The following STK39 variants were observed in gnomAD, a reference collection of about 807,000 sequenced individuals.
The protein encoded by STK39 is serine/threonine kinase 39.
A neutral mutation model predicts 77.8 loss-of-function variants in STK39; 20 were observed. The ratio of observed to expected loss-of-function variants is 0.26; its 90% CI spans 0.18 to 0.37. The LOEUF (loss-of-function observed/expected upper bound fraction) is 0.37. Among genes scored for constraint, STK39 ranks in the 10% least tolerant of loss-of-function variants. The pLI, the probability that STK39 is intolerant of heterozygous loss-of-function variation, is 1.00. For missense variants in STK39, 479 were observed against 656.5 expected, an observed-to-expected ratio of 0.73 and a Z score of 2.95; for synonymous variants, 246 against 234.1, an observed-to-expected ratio of 1.05 and a Z score of -0.47.
chr2:168,206,310 T>A (rs1208407581), intron 1 of STK39, among the ~76,000 whole-genome samples: 1 of 151,858 alleles, frequency 6.6e-6, no homozygotes, highest in African/African-American at 2.4e-5. Context: ...TTCTTTTTTT[T>A]TTTTTTTGAG....
chr2:168,247,108 C>T, intron 1 of STK39, 120 bp downstream of exon 1: 1 of 482,720 alleles, frequency 2.1e-6, no homozygotes, highest in South Asian at 8.4e-5. Context: ...GCCAGTAGGC[C>T]CCGAAGCCGG....
intron 14 of STK39, among the ~76,000 whole-genome samples, chr2:168,061,087 A>T (rs1158448843): frequency 6.6e-6 from 1 of 152,208 alleles, no homozygotes; most frequent in African/African-American, 2.4e-5. Context: ...TTTTATCTAG[A>T]GTTGCAGTTC....
At chr2:168,053,607 C>A (rs1425718279) in intron 14 of STK39, among the ~76,000 whole-genome samples, 2 of 152,148 alleles carry the variant, frequency 1.3e-5, no homozygotes, top group Non-Finnish European at 1.5e-5. Flanking sequence ...TTTGTACTCA[C>A]AATGTCCTCT....
intron 5 of STK39, among the ~76,000 whole-genome samples, chr2:168,148,816 C>T (rs1351445995): frequency 1.3e-5 from 2 of 152,142 alleles, no homozygotes; most frequent in Non-Finnish European, 2.9e-5. Context: ...AGAAAGAAGA[C>T]AGGCTGCAAG....
intron 16 of STK39, among the ~76,000 whole-genome samples, chr2:167,992,900 T>C (rs1340576376): frequency 2.2e-4 from 33 of 152,272 alleles, no homozygotes; most frequent in East Asian, 7.7e-4. Flanking sequence ...CAAAATAAAA[T>C]GCATAAACAA....
chr2:168,220,044 T>C (rs930735217), intron 1 of STK39, among the ~76,000 whole-genome samples: 1 of 152,136 alleles, frequency 6.6e-6, no homozygotes, highest in African/African-American at 2.4e-5. Context: ...TGAATAATGA[T>C]GATAATCAAA....
At chr2:168,054,243 GGAA>G (rs1295515591) in intron 14 of STK39, among the ~76,000 whole-genome samples, 1 of 152,172 alleles carries the variant, frequency 6.6e-6, no homozygotes, top group Non-Finnish European at 1.5e-5. Flanking sequence ...ACAGGGTCAG[GGAA>G]GAAGAACAAG....
intron 2 of STK39, among the ~76,000 whole-genome samples, chr2:168,168,022 T>C (rs1336422830): frequency 1.3e-5 from 2 of 152,040 alleles, no homozygotes; most frequent in African/African-American, 4.8e-5. Context: ...TTGGGAAAGA[T>C]CAGATAATAT....
intron 14 of STK39, among the ~76,000 whole-genome samples, chr2:168,037,356 C>A (rs4668003): frequency 0.74 from 113,308 of 152,164 alleles, 42,344 homozygotes; most frequent in Non-Finnish European, 0.76. Context: ...CAAGAGTATA[C>A]ATTGATACTA....
intron 10 of STK39, among the ~76,000 whole-genome samples, chr2:168,119,040 T>C (rs1289104128): frequency 1.3e-5 from 2 of 152,092 alleles, no homozygotes; most frequent in Non-Finnish European, 2.9e-5. Flanking sequence ...AGCTCTAAAA[T>C]AGGAAAAATA....
chr2:168,001,036 G>A (rs971979218), intron 16 of STK39, among the ~76,000 whole-genome samples: 1 of 152,106 alleles, frequency 6.6e-6, no homozygotes, highest in Non-Finnish European at 1.5e-5. Context: ...AGGCCCATGC[G>A]TTTGCACCTA....
chr2:168,247,585 G>T lies in STK39; in HGVS notation c.-150C>A. ...CCGTCCCCGCCGAAGCCAGCTAGGA[G>T]GGGAGGGAGCAAGGGAGGCCGAGCT... On this transcript the variant is annotated 5_prime_UTR_variant, in exon 1 of 18. Transcript: ENST00000355999. 1.2e-5 allele frequency: 4 copies of T among 325,564 alleles called. No homozygotes were observed. The highest frequency in any genetic ancestry group is 1.9e-5 in the Non-Finnish European group (4 of 215,042). The allele number at this position is 325,564 out of a possible 1,614,324, so 20.2% of individuals were successfully genotyped here.
chr2:167,964,836 C>A (rs1692102901), intron 16 of STK39, 110 bp from the exon 17 acceptor site: 7 of 890,088 alleles, frequency 7.9e-6, no homozygotes, highest in Middle Eastern at 2.7e-4. Context: ...ACTGCAAAAT[C>A]ATTTTTCATA....
chr2:167,959,097 G>A (rs1412406643), intron 17 of STK39, among the ~76,000 whole-genome samples: 1 of 125,922 alleles, frequency 7.9e-6, no homozygotes, highest in Non-Finnish European at 1.7e-5. Context: ...AACAAATATT[G>A]TCAGATTTAT....
At position 168,240,098 on chromosome 2, in the gene STK39, A is replaced by C. The variant is rs1361871926; in HGVS notation, c.208+7130T>G. ...GCTACATAGATGAAAAATGGAAGGG[A>C]AGGGTCTTGGAATGGTGTTCCAAGC... On this transcript the variant is annotated intron_variant, in intron 1 of 17. Transcript: ENST00000355999. Among the ~76,000 whole-genome samples the C allele has an allele frequency of 4.6e-5, 7 of 152,186 alleles. No homozygotes were observed. The East Asian group carries it at 1.3e-3, about 29-fold the overall frequency.
chr2:168,234,225 C>A (rs1227927829), intron 1 of STK39, among the ~76,000 whole-genome samples: 1 of 152,214 alleles, frequency 6.6e-6, no homozygotes, highest in Non-Finnish European at 1.5e-5. Flanking sequence ...CCATCCAGCA[C>A]CACCCCATGT....
At position 168,233,655 on chromosome 2, in the gene STK39, T is replaced by A. The variant is rs2105265485; in HGVS notation, c.208+13573A>T. On this transcript the variant is annotated intron_variant, in intron 1 of 17. Transcript: ENST00000355999. ...GGAAAAGAGGGACTATGATTCAAAT[T>A]CACCGTTTAAGTGACTGAAATTAAT... Among the ~76,000 whole-genome samples, 2 of 152,332 alleles carry A rather than the reference T, an allele frequency of 1.3e-5. 1 individual carries two copies. The highest frequency in any genetic ancestry group is 4.1e-4 in the South Asian group (2 of 4,834).
At chr2:168,027,943 G>T (rs1468756388) in intron 14 of STK39, among the ~76,000 whole-genome samples, 1 of 152,124 alleles carries the variant, frequency 6.6e-6, no homozygotes, top group Non-Finnish European at 1.5e-5. Flanking sequence ...TGAATAAATC[G>T]CATGCAGAAA....
chr2:168,007,616 T>C (rs1162063178), intron 16 of STK39, among the ~76,000 whole-genome samples: 1 of 152,140 alleles, frequency 6.6e-6, no homozygotes, highest in African/African-American at 2.4e-5. Context: ...GCGATTTTAA[T>C]GAGGCTGCTC....
Sources: gnomAD v4.1 joint callset for allele counts (sites outside exome capture counted in the v4.1 genomes callset) on GRCh38, gnomAD v4.1.1 for gene constraint, MANE v1.5 for transcripts, NCBI Gene and HGNC (gene_info 2026-07-23, HGNC 2026-07-21) for gene names.